The following SEZ6 variants were observed in gnomAD, a reference collection of about 807,000 sequenced individuals.
SEZ6 encodes the protein seizure protein 6 homolog.
Under a neutral mutation model 101.0 loss-of-function variants are expected in SEZ6, and 53 were observed. The observed-to-expected ratio is 0.52, with a 90% CI of 0.42 to 0.66. The LOEUF is 0.66. SEZ6 is among the 30% of genes least tolerant of loss of function. SEZ6 has a pLI of 0.00. For missense variants in SEZ6, 1,102 were observed against 1,289.4 expected, an observed-to-expected ratio of 0.85 and a Z score of 2.23; for synonymous variants, 488 against 512.2, an observed-to-expected ratio of 0.95 and a Z score of 0.64.
At chr17:28,997,843 C>G (rs567015945) in intron 1 of SEZ6, among the ~76,000 whole-genome samples, 2 of 152,158 alleles carry the variant, frequency 1.3e-5, no homozygotes, top group Non-Finnish European at 2.9e-5. Context: ...CCAGCAAAAC[C>G]CATCACTGGG....
intron 1 of SEZ6, among the ~76,000 whole-genome samples, chr17:29,004,621 A>T (rs2041660262): frequency 6.6e-6 from 1 of 152,004 alleles, no homozygotes; most frequent in Non-Finnish European, 1.5e-5. Context: ...CGCTGCCTTG[A>T]CCTCGGCAGC....
intron 1 of SEZ6, among the ~76,000 whole-genome samples, chr17:28,994,980 C>T (rs1040917060): frequency 2.0e-5 from 3 of 151,964 alleles, no homozygotes; most frequent in African/African-American, 7.3e-5. Context: ...TCACTCCGTT[C>T]TCCTGCCTCA....
At chr17:28,995,773 C>T in intron 1 of SEZ6, among the ~76,000 whole-genome samples, 1 of 152,122 alleles carries the variant, frequency 6.6e-6, no homozygotes, top group Non-Finnish European at 1.5e-5. Context: ...TGGTGGGACC[C>T]AGGGTGAAGG....
intron 13 of SEZ6, 127 bp from the exon 14 acceptor site, chr17:28,956,884 G>C: frequency 2.9e-6 from 4 of 1,373,256 alleles, no homozygotes; most frequent in Non-Finnish European, 4.0e-6. Flanking sequence ...TCCAGCATTT[G>C]TCTTGGTGAT....
intron 1 of SEZ6, among the ~76,000 whole-genome samples, chr17:28,995,659 G>A (rs746589316): frequency 6.6e-6 from 1 of 152,128 alleles, no homozygotes; most frequent in Non-Finnish European, 1.5e-5. Context: ...GATGGCCTGC[G>A]ACCAGAGGAC....
intron 1 of SEZ6, among the ~76,000 whole-genome samples, chr17:29,000,486 A>G (rs1193020383): frequency 6.6e-6 from 1 of 152,206 alleles, no homozygotes; most frequent in East Asian, 1.9e-4. Flanking sequence ...TCACGTCTCA[A>G]TATATATCTA....
chr17:28,970,058 A>C, intron 3 of SEZ6, 106 bp from the exon 4 acceptor site: 18 of 1,016,788 alleles, frequency 1.8e-5, no homozygotes, highest in South Asian at 3.7e-5. Flanking sequence ...TCAATCCTCA[A>C]TGCTACTTGA....
chr17:28,977,434 C>A (rs1383191525), intron 3 of SEZ6, among the ~76,000 whole-genome samples: 1 of 152,280 alleles, frequency 6.6e-6, no homozygotes, highest in Non-Finnish European at 1.5e-5. Context: ...GAGGGTGGGG[C>A]CAGCATCTGC....
intron 14 of SEZ6, 78 bp downstream of exon 14, chr17:28,956,638 CCTT>C: frequency 6.5e-7 from 1 of 1,540,112 alleles, no homozygotes; most frequent in Non-Finnish European, 8.8e-7. Context: ...TGCCCTCCCT[CCTT>C]GGGAAGCCCA....
chr17:28,975,895 G>T (rs1159251199), intron 3 of SEZ6, among the ~76,000 whole-genome samples: 1 of 152,224 alleles, frequency 6.6e-6, no homozygotes, highest in Non-Finnish European at 1.5e-5. Flanking sequence ...CAGTGGGAAG[G>T]CTCTTGGAAT....
At chr17:28,969,385 ACTC>A (rs1305876875) in intron 4 of SEZ6, among the ~76,000 whole-genome samples, 12 of 151,886 alleles carry the variant, frequency 7.9e-5, no homozygotes, top group Non-Finnish European at 1.6e-4. Flanking sequence ...CTGAGAAAGA[ACTC>A]CTTGAGGACA....
upstream of SEZ6, chr17:29,006,095 G>A (rs1268284627): frequency 3.1e-6 from 1 of 322,578 alleles, no homozygotes; most frequent in Non-Finnish European, 5.5e-6. Context: ...GGGCGCGGGA[G>A]GAGCGGCTTA....
At chr17:28,977,708 T>G (rs907205856) in intron 3 of SEZ6, among the ~76,000 whole-genome samples, 4 of 146,260 alleles carry the variant, frequency 2.7e-5, no homozygotes, top group East Asian at 2.0e-4. Context: ...GTGGTAGGCT[T>G]GGGGGGGGCA....
At chr17:28,979,882 T>C (rs1282559306) in intron 2 of SEZ6, 69 bp from the exon 3 acceptor site, 1 of 157,584 alleles carries the variant, frequency 6.3e-6, no homozygotes, top group Non-Finnish European at 8.4e-6. Context: ...GGCTGAACCG[T>C]GTGTGTGTGT....
chr17:28,959,905 G>C lies in SEZ6; in HGVS notation c.1577-13C>G. 2 of 1,597,832 alleles carry C rather than the reference G, an allele frequency of 1.3e-6. No individual in the cohort carries two copies. Among genetic ancestry groups the C allele is most frequent in the South Asian group, 2.3e-5 (2 of 88,658 alleles). On this transcript the variant is annotated splice_polypyrimidine_tract_variant and intron_variant, in intron 7 of 16. Coordinates refer to ENST00000317338, the MANE Select transcript of SEZ6 (RefSeq NM_178860.5). The surrounding 1 kb of genome is among the most constrained non-coding windows in gnomAD (Gnocchi z 4.4). ...CCCTGCTGGAAGGCTGTAAACCACA[G>C]GTCCCAGCCCAGCTCAGCCTTGACT...
At chr17:28,962,106 C>G (rs1161749806) in intron 5 of SEZ6, among the ~76,000 whole-genome samples, 1 of 152,200 alleles carries the variant, frequency 6.6e-6, no homozygotes, top group African/African-American at 2.4e-5. Context: ...ATCCACCTCT[C>G]TCTAGACTCA....
At position 28,969,904 on chromosome 17, in the gene SEZ6, G is replaced by A; in HGVS notation, c.907C>T (p.Leu303=). 1 of 1,547,112 alleles carries A rather than the reference G, an allele frequency of 6.5e-7. No homozygotes were observed. Among genetic ancestry groups the A allele is most frequent in the South Asian group, 1.2e-5 (1 of 81,070 alleles). Residue 303 remains leucine, a synonymous_variant, in exon 4 of 17, where the codon CTG becomes TTG. Transcript: ENST00000317338. ...AGGGGCAGTGGGTCAGGCCCCCCCA[G>A]GCCTTCCACAGTCACTGTCTCCCCT... The part of the protein sequence containing the change: ...REGETVTVEG[L]GGPDPLPLAN...
In SEZ6 at chr17:28,985,237, C is replaced by T. The variant is rs144799809; in HGVS notation, c.56-3198G>A. On this transcript the variant is annotated intron_variant, in intron 1 of 16. Transcript: ENST00000317338. Reference sequence around the variant, plus strand: ...AACTAAGTCCAGGGAGAGGCACGGACTCGTCGAAGATCTCACGCCATTTAG... The same window carrying T: ...AACTAAGTCCAGGGAGAGGCACGGATTCGTCGAAGATCTCACGCCATTTAG... Among the ~76,000 whole-genome samples the T allele has an allele frequency of 3.3e-4, 51 of 152,352 alleles. No homozygotes were observed. In the East Asian group the frequency reaches 6.6e-3, roughly 20 times the overall value.
At chr17:28,980,523 C>G (rs1322453022) in intron 2 of SEZ6, among the ~76,000 whole-genome samples, 1 of 152,074 alleles carries the variant, frequency 6.6e-6, no homozygotes, top group Non-Finnish European at 1.5e-5. Context: ...GCACCCCCCA[C>G]TACGCCCGGC....
Sources: allele counts gnomAD v4.1 joint callset (sites outside exome capture counted in the v4.1 genomes callset), GRCh38; gene constraint gnomAD v4.1.1; non-coding constraint Gnocchi (gnomAD v3.1); transcripts MANE v1.5; gene names NCBI Gene and HGNC (gene_info 2026-07-23, HGNC 2026-07-21).